TTC19: variants seen among roughly 807,000 people sequenced by gnomAD.
TTC19 encodes tetratricopeptide repeat protein 19, mitochondrial.
TTC19 carries 38 observed loss-of-function variants against 49.5 expected under a neutral mutation model. The observed-to-expected ratio is 0.77, with a 90% CI of 0.59 to 1.01. The LOEUF (loss-of-function observed/expected upper bound fraction) is 1.01. Ranked by LOEUF, TTC19 falls within the 50% of genes least tolerant of loss-of-function variation. The pLI is 0.00. For synonymous variants in TTC19, 204 were observed against 185.2 expected (o/e 1.10, Z -0.83); for missense variants, 475 against 477.7 (o/e 0.99, Z 0.05).
chr17:16,010,357 A>T (rs1449395550), intron 7 of TTC19, among the ~76,000 whole-genome samples: 1 of 149,224 alleles, frequency 6.7e-6, no homozygotes. Context: ...TGTTTTTAGT[A>T]GAGACAGGGT....
At chr17:16,008,927 G>C (rs573041302) in intron 7 of TTC19, among the ~76,000 whole-genome samples, 1 of 152,190 alleles carries the variant, frequency 6.6e-6, no homozygotes, top group South Asian at 2.1e-4. Context: ...TGTGTGTGTT[G>C]TGTGCTTGTG....
rs1555531006 is a variant in TTC19, at chr17:16,028,840, A to AAAAAAAAAAAAAC, written c.*1324_*1325insAAAAAACAAAAAA. The stretch of plus-strand genomic sequence containing the variant: ...TCTCAAAAAAAAAAAAAAAAAAAAA[A>AAAAAAAAAAAAAC]AAAAAACTTTCTGAAGAAAATAAAA... On this transcript the variant is annotated 3_prime_UTR_variant, in exon 10 of 10. Coordinates refer to ENST00000261647, the MANE Select transcript of TTC19 (RefSeq NM_017775.4). The AAAAAAAAAAAAAC allele has an allele frequency of 7.9e-6, 3 of 378,654 alleles. No homozygotes were observed. The highest frequency in any genetic ancestry group is 1.0e-5 in the Non-Finnish European group (2 of 197,848). 23.5% of individuals were successfully genotyped at this position (378,654 alleles called of 1,614,324 possible).
intron 7 of TTC19, among the ~76,000 whole-genome samples, chr17:16,022,566 T>TA (rs1402670057): frequency 1.3e-5 from 2 of 152,212 alleles, no homozygotes; most frequent in African/African-American, 4.8e-5. Context: ...AGGGGAGTGT[T>TA]AGAGGCCTAT....
intron 3 of TTC19, 167 bp from the exon 4 acceptor site, chr17:16,002,626 C>T (rs776346746): frequency 5.2e-5 from 35 of 679,332 alleles, no homozygotes; most frequent in Non-Finnish European, 7.7e-5. Context: ...TTAATTCTCA[C>T]ATGATTGCTG....
At chr17:16,033,769 G>A (rs1185528211), downstream of TTC19, among the ~76,000 whole-genome samples, 2 of 152,142 alleles carry the variant, frequency 1.3e-5, no homozygotes, top group African/African-American at 4.8e-5. Context: ...TTTTTCATCA[G>A]TTTGTGTAAA....
intron 7 of TTC19, among the ~76,000 whole-genome samples, chr17:16,010,645 T>C (rs1297979530): frequency 2.6e-5 from 4 of 151,900 alleles, no homozygotes; most frequent in Admixed American, 2.6e-4. Context: ...TGGCTATTTT[T>C]GTATTTTTAG....
chr17:16,028,510 CTT>C lies in TTC19; in HGVS notation c.*990_*991del, dbSNP rs1567589882. 2.2e-6 allele frequency: 1 copy of C among 453,956 alleles called. No individual in the cohort carries two copies. Among genetic ancestry groups the C allele is most frequent in the East Asian group, 6.9e-5 (1 of 14,398 alleles). 28.1% of individuals were successfully genotyped at this position (453,956 alleles called of 1,614,324 possible). ...TGGGGGAAGGTATTTGGTTAGATGA[CTT>C]TGAATGAATAGACTGCTGTGCTGAA... On this transcript the variant is annotated 3_prime_UTR_variant, in exon 10 of 10. Transcript: ENST00000261647.
At chr17:16,010,771 C>T (rs1265908173) in intron 7 of TTC19, among the ~76,000 whole-genome samples, 1 of 152,194 alleles carries the variant, frequency 6.6e-6, no homozygotes, top group Non-Finnish European at 1.5e-5. Context: ...TGTGCCCGGC[C>T]CCTATTTTCA....
At chr17:16,024,921 TC>T in intron 7 of TTC19, 95 bp from the exon 8 acceptor site, 2 of 1,096,634 alleles carry the variant, frequency 1.8e-6, no homozygotes, top group Non-Finnish European at 2.8e-6. Flanking sequence ...CCTACATTGT[TC>T]CCTAAGTGAC....
chr17:16,026,809 A>G, intron 9 of TTC19, 107 bp downstream of exon 9: 1 of 1,164,606 alleles, frequency 8.6e-7, no homozygotes, highest in Non-Finnish European at 1.3e-6. Flanking sequence ...ACGAATAAAC[A>G]TGTAAATTAA....
At chr17:16,017,158 A>G (rs1293648135) in intron 7 of TTC19, among the ~76,000 whole-genome samples, 2 of 152,146 alleles carry the variant, frequency 1.3e-5, no homozygotes, top group African/African-American at 4.8e-5. Flanking sequence ...ATTATCTACT[A>G]TATCTTACCC....
At chr17:16,013,419 T>C (rs1436780270) in intron 7 of TTC19, among the ~76,000 whole-genome samples, 1 of 152,206 alleles carries the variant, frequency 6.6e-6, no homozygotes, top group Non-Finnish European at 1.5e-5. Context: ...TTCTGGAGCT[T>C]AATGCTTAGA....
At chr17:16,026,401 T>C in intron 8 of TTC19, 139 bp from the exon 9 acceptor site, 2 of 774,884 alleles carry the variant, frequency 2.6e-6, no homozygotes, top group Non-Finnish European at 4.1e-6. Context: ...CACAAATTTG[T>C]TAAAGAATGG....
At chr17:16,003,422 CTTATTTATTTATTTAT>C (rs149202647) in intron 4 of TTC19, among the ~76,000 whole-genome samples, 3 of 148,706 alleles carry the variant, frequency 2.0e-5, no homozygotes, top group South Asian at 4.4e-4. Context: ...GGCTAATTTT[CTTATTTATTTATTTAT>C]TTATTTATTT....
At chr17:16,021,104 T>C (rs998099477) in intron 7 of TTC19, among the ~76,000 whole-genome samples, 2 of 152,116 alleles carry the variant, frequency 1.3e-5, no homozygotes, top group Admixed American at 1.3e-4. Flanking sequence ...TAAAAGAAAG[T>C]TGGCTGGGCG....
intron 2 of TTC19, 124 bp downstream of exon 2, chr17:16,000,369 T>A (rs1970685155): frequency 6.6e-7 from 1 of 1,518,310 alleles, no homozygotes; most frequent in African/African-American, 1.4e-5. Flanking sequence ...GCGGGTAAAA[T>A]TGCCGAGAAT....
At chr17:16,034,565 G>T (rs1028368572) in intron 2 of TTC19, among the ~76,000 whole-genome samples, 1 of 152,114 alleles carries the variant, frequency 6.6e-6, no homozygotes, top group African/African-American at 2.4e-5. Flanking sequence ...CCATGATCAT[G>T]CCATTGCATT....
intron 7 of TTC19, among the ~76,000 whole-genome samples, chr17:16,020,999 CTTCT>C (rs1363759552): frequency 6.6e-6 from 1 of 151,774 alleles, no homozygotes; most frequent in Non-Finnish European, 1.5e-5. Flanking sequence ...TTTATAATTC[CTTCT>C]ATTTGTTCAT....
At chr17:16,034,648 C>T (rs1185626723) in intron 2 of TTC19, 26 of 924,126 alleles carry the variant, frequency 2.8e-5, no homozygotes, top group Non-Finnish European at 3.8e-5. Flanking sequence ...ATTAATGATA[C>T]AGAAATGGGA....
Sources: gnomAD v4.1 joint callset for allele counts (sites outside exome capture counted in the v4.1 genomes callset) on GRCh38, gnomAD v4.1.1 for gene constraint, MANE v1.5 for transcripts, NCBI Gene and HGNC (gene_info 2026-07-23, HGNC 2026-07-21) for gene names.